The following PDLIM5 variants were observed in gnomAD, a reference collection of about 807,000 sequenced individuals.
PDLIM5 encodes the protein PDZ and LIM domain protein 5.
In PDLIM5, 34 loss-of-function variants were observed where a neutral mutation model predicts 64.2. That is an observed-to-expected ratio of 0.53 (90% CI 0.40 to 0.71). PDLIM5 has a LOEUF of 0.71. Among genes scored for constraint, PDLIM5 ranks in the 30% least tolerant of loss-of-function variants. PDLIM5 has a pLI of 0.00. For missense variants in PDLIM5, 683 were observed against 733.6 expected (o/e 0.93, Z 0.80); for synonymous variants, 253 against 269.1 (o/e 0.94, Z 0.59).
At chr4:94,601,416 G>A (rs62316477) in intron 7 of PDLIM5, among the ~76,000 whole-genome samples, 6,700 of 152,110 alleles carry the variant, frequency 0.044, 312 homozygotes, top group African/African-American at 0.11. Context: ...ATGATTTGGG[G>A]CTGGGGGGAC....
chr4:94,660,190 G>A (rs1054055580), intron 11 of PDLIM5, among the ~76,000 whole-genome samples: 14 of 152,160 alleles, frequency 9.2e-5, no homozygotes, highest in Admixed American at 3.9e-4. Context: ...GAGCCACCGC[G>A]CCCGGCCAAA....
chr4:94,495,739 G>T (rs901963086), intron 2 of PDLIM5, among the ~76,000 whole-genome samples: 2 of 152,156 alleles, frequency 1.3e-5, no homozygotes, highest in African/African-American at 4.8e-5. Flanking sequence ...TTCCAGGGGG[G>T]TACACACCAG....
At chr4:94,663,892 A>G in intron 12 of PDLIM5, 86 bp from the exon 13 acceptor site, 4 of 1,400,562 alleles carry the variant, frequency 2.9e-6, no homozygotes, top group Non-Finnish European at 2.9e-6. Flanking sequence ...GGGGGGAAAA[A>G]TCACTCTCTC....
At position 94,665,053 on chromosome 4, in the gene PDLIM5, A is replaced by G; in HGVS notation, c.*986A>G. ...TATAAGTCTCAAATTTTTGCCTTTT[A>G]CTAAAATGTGATTGTTTCTATTCAT... On this transcript the variant is annotated 3_prime_UTR_variant, in exon 13 of 13. Coordinates refer to ENST00000317968, the MANE Select transcript of PDLIM5 (RefSeq NM_006457.5). The G allele has an allele frequency of 1.0e-6, 1 of 979,648 alleles. No individual in the cohort carries two copies. Among genetic ancestry groups the G allele is most frequent in the Non-Finnish European group, 1.2e-6 (1 of 824,544 alleles). The allele number at this position is 979,648 out of a possible 1,614,324, so 60.7% of individuals were successfully genotyped here.
intron 2 of PDLIM5, among the ~76,000 whole-genome samples, chr4:94,463,232 T>C (rs1392537520): frequency 6.6e-6 from 1 of 152,204 alleles, no homozygotes; most frequent in African/African-American, 2.4e-5. Context: ...TAGGCTGATA[T>C]ACAATCAACC....
chr4:94,621,157 A>G (rs1025423141), intron 8 of PDLIM5, among the ~76,000 whole-genome samples: 1 of 149,724 alleles, frequency 6.7e-6, no homozygotes, highest in African/African-American at 2.4e-5. Flanking sequence ...GAGTTAGACT[A>G]TTTTAGAGGA....
chr4:94,565,657 A>G (rs1734257271), intron 3 of PDLIM5, among the ~76,000 whole-genome samples: 1 of 152,128 alleles, frequency 6.6e-6, no homozygotes, highest in South Asian at 2.1e-4. Context: ...TCACTAAGGA[A>G]CCTCCAACCC....
intron 12 of PDLIM5, among the ~76,000 whole-genome samples, chr4:94,663,372 T>C (rs966327636): frequency 6.6e-6 from 1 of 152,208 alleles, no homozygotes; most frequent in Non-Finnish European, 1.5e-5. Flanking sequence ...AATAAAGCTG[T>C]TCATTCTAAT....
At chr4:94,579,532 G>T in intron 5 of PDLIM5, 2 of 1,364,210 alleles carry the variant, frequency 1.5e-6, no homozygotes, top group Admixed American at 2.0e-5. Context: ...AAACACAAGT[G>T]ACAAAGTTAG....
At chr4:94,490,225 T>G (rs1156319658) in intron 2 of PDLIM5, among the ~76,000 whole-genome samples, 1 of 152,030 alleles carries the variant, frequency 6.6e-6, no homozygotes, top group Non-Finnish European at 1.5e-5. Flanking sequence ...TTGTCAACAA[T>G]GACTAAAATA....
chr4:94,603,870 C>G (rs1011564301), intron 7 of PDLIM5, among the ~76,000 whole-genome samples: 5 of 152,100 alleles, frequency 3.3e-5, no homozygotes, highest in Admixed American at 2.6e-4. Flanking sequence ...GTAGGGGACC[C>G]ATCACACCAC....
chr4:94,632,570 G>A (rs1275641423), intron 8 of PDLIM5, among the ~76,000 whole-genome samples: 1 of 152,146 alleles, frequency 6.6e-6, no homozygotes, highest in Non-Finnish European at 1.5e-5. Flanking sequence ...CCCCTTTACA[G>A]ATGTCCATGA....
intron 7 of PDLIM5, chr4:94,587,725 AT>A: frequency 1.0e-6 from 1 of 984,622 alleles, no homozygotes; most frequent in Non-Finnish European, 1.2e-6. Context: ...CCTATTTGCA[AT>A]GGAGAAATAC....
At position 94,664,921 on chromosome 4, in the gene PDLIM5, A is replaced by G. The variant is rs1351704170; in HGVS notation, c.*854A>G. ...TTTTTGCCTTACAGTGGATCATTCT[A>G]GTAGGAAAGGACAATAAGATTTTTT... On this transcript the variant is annotated 3_prime_UTR_variant, in exon 13 of 13. Transcript: ENST00000317968. The G allele has an allele frequency of 1.0e-6, 1 of 981,002 alleles. No homozygotes were observed. The highest frequency in any genetic ancestry group is 1.7e-5 in the African/African-American group (1 of 57,148). 60.8% of individuals were successfully genotyped at this position (981,002 alleles called of 1,614,324 possible). A position where few individuals can be genotyped will look rare whatever the true frequency, so the allele number is the denominator to read the frequency against.
intron 2 of PDLIM5, among the ~76,000 whole-genome samples, chr4:94,499,697 G>T (rs1473016773): frequency 6.6e-6 from 1 of 152,172 alleles, no homozygotes; most frequent in African/African-American, 2.4e-5. Flanking sequence ...GGCCTGTTAG[G>T]AACCAGGCTG....
chr4:94,520,044 T>C (rs187736037), intron 2 of PDLIM5, among the ~76,000 whole-genome samples: 31 of 152,288 alleles, frequency 2.0e-4, no homozygotes, highest in Non-Finnish European at 4.0e-4. Context: ...TTGGTAAAGA[T>C]AACACTCTCT....
chr4:94,639,380 G>A (rs1339251379), intron 8 of PDLIM5, among the ~76,000 whole-genome samples: 1 of 152,184 alleles, frequency 6.6e-6, no homozygotes, highest in Non-Finnish European at 1.5e-5. Flanking sequence ...TGGCTGTTGA[G>A]AGGATGAATG....
At chr4:94,475,376 C>A (rs1268213929) in intron 2 of PDLIM5, among the ~76,000 whole-genome samples, 1 of 152,122 alleles carries the variant, frequency 6.6e-6, no homozygotes, top group Non-Finnish European at 1.5e-5. Context: ...CAAAAATTGG[C>A]AGTTGATTTA....
chr4:94,631,912 T>A (rs943077999), intron 8 of PDLIM5, among the ~76,000 whole-genome samples: 1 of 152,226 alleles, frequency 6.6e-6, no homozygotes, highest in Admixed American at 6.5e-5. Context: ...GACTCAAATG[T>A]CGTCAATATG....
Sources: gnomAD v4.1 joint callset for allele counts (sites outside exome capture counted in the v4.1 genomes callset) on GRCh38, gnomAD v4.1.1 for gene constraint, MANE v1.5 for transcripts, NCBI Gene and HGNC (gene_info 2026-07-23, HGNC 2026-07-21) for gene names.